Variants in HTR4 observed in about 807,000 individuals in gnomAD.
HTR4 encodes 5-hydroxytryptamine receptor 4, also known as 5-hydroxytryptamine (serotonin) receptor 4, G protein-coupled.
A neutral mutation model predicts 36.8 loss-of-function variants in HTR4; 16 were observed. The observed-to-expected ratio is 0.43, with a 90% CI of 0.29 to 0.66. HTR4 has a LOEUF of 0.66. Ranked by LOEUF, HTR4 falls within the 30% of genes least tolerant of loss-of-function variation. The pLI, the probability that HTR4 is intolerant of heterozygous loss-of-function variation, is 0.13. For synonymous variants in HTR4, 189 were observed against 185.1 expected, an observed-to-expected ratio of 1.02 and a Z score of -0.17; for missense variants, 438 against 490.9, an observed-to-expected ratio of 0.89 and a Z score of 1.02.
At chr5:148,493,551 A>G (rs1756555009) in intron 6 of HTR4, among the ~76,000 whole-genome samples, 1 of 152,222 alleles carries the variant, frequency 6.6e-6, no homozygotes, top group Non-Finnish European at 1.5e-5. Context: ...ACGATAAATG[A>G]ATGATAAATT....
At chr5:148,547,562 A>AAAATAAAATAAAAT (rs1554094300) in intron 4 of HTR4, among the ~76,000 whole-genome samples, 18,820 of 137,842 alleles carry the variant, frequency 0.14, 1,578 homozygotes, top group Non-Finnish European at 0.18. Flanking sequence ...AAAATAAAAT[A>AAAATAAAATAAAAT]AAATAAATAA....
At chr5:148,641,516 T>C (rs959308507) in intron 1 of HTR4, among the ~76,000 whole-genome samples, 1 of 152,234 alleles carries the variant, frequency 6.6e-6, no homozygotes, top group African/African-American at 2.4e-5. Context: ...TACAAATGCA[T>C]GTCTCAATAG....
downstream of HTR4, among the ~76,000 whole-genome samples, chr5:148,480,639 G>A (rs921139172): frequency 1.3e-5 from 2 of 152,182 alleles, no homozygotes; most frequent in Non-Finnish European, 2.9e-5. Context: ...CTCCCAAAGT[G>A]CTGGGAATAC....
At chr5:148,636,725 A>T (rs1463730002) in intron 2 of HTR4, among the ~76,000 whole-genome samples, 1 of 152,170 alleles carries the variant, frequency 6.6e-6, no homozygotes, top group East Asian at 1.9e-4. Flanking sequence ...TACAGAGATG[A>T]ATATCTATTT....
At position 148,509,974 on chromosome 5, in the gene HTR4, G is replaced by T; in HGVS notation, c.558C>A (p.Phe186Leu). Residue 186 changes from phenylalanine to leucine, a missense_variant, in exon 6 of 7, where the codon TTC (phenylalanine) becomes TTA (leucine). By Grantham distance (22) the Phe-to-Leu change is conservative. Transcript: ENST00000377888. ...NQNSNSTYCV[F>L]MVNKPYAITC... is the part of the protein sequence containing the mutation. ...TGATGGCGTAGGGCTTGTTGACCAT[G>T]AAGACACAGTACGTAGAGTTAGAGT... 1 of 1,613,840 alleles carries T rather than the reference G, an allele frequency of 6.2e-7. No homozygotes were observed.
intron 2 of HTR4, among the ~76,000 whole-genome samples, chr5:148,613,787 G>C (rs1424796706): frequency 1.3e-4 from 19 of 149,712 alleles, no homozygotes; most frequent in Non-Finnish European, 2.2e-4. Flanking sequence ...AAACCCCATT[G>C]TCTCAGCCCA....
intron 4 of HTR4, among the ~76,000 whole-genome samples, chr5:148,542,138 G>A (rs547123546): frequency 1.3e-5 from 2 of 152,224 alleles, no homozygotes; most frequent in African/African-American, 4.8e-5. Context: ...CTCCATAAAT[G>A]TTTGATGAAA....
chr5:148,534,484 G>A (rs1273423221), intron 4 of HTR4, among the ~76,000 whole-genome samples: 22 of 152,158 alleles, frequency 1.4e-4, no homozygotes. Context: ...CCTGCCAGAG[G>A]TATTGAGCCA....
intron 2 of HTR4, among the ~76,000 whole-genome samples, chr5:148,592,591 A>G (rs982306797): frequency 6.6e-6 from 1 of 152,014 alleles, no homozygotes; most frequent in African/African-American, 2.4e-5. Context: ...AGCTTCACCA[A>G]TATTTTTATA....
chr5:148,502,499 C>T (rs182285007), intron 6 of HTR4, among the ~76,000 whole-genome samples: 20 of 152,196 alleles, frequency 1.3e-4, no homozygotes, highest in East Asian at 5.8e-4. Context: ...CCCATCTGTA[C>T]GTCACTATGA....
intron 2 of HTR4, among the ~76,000 whole-genome samples, chr5:148,586,319 G>C (rs1406435022): frequency 6.6e-6 from 1 of 151,930 alleles, no homozygotes; most frequent in Admixed American, 6.6e-5. Flanking sequence ...AGCTATACTT[G>C]GCAATCTATG....
In HTR4 at chr5:148,487,215, G is replaced by A. The variant is rs150269948; in HGVS notation, c.1077-3922C>T. The stretch of plus-strand genomic sequence containing the variant: ...ATGTAGAGGCATGGATTGATCGATG[G>A]GTAATGGTGGATCTAGTGCTATAAC... On this transcript the variant is annotated intron_variant, in intron 6 of 6. Transcript: ENST00000377888. 1.7e-3 allele frequency among the ~76,000 whole-genome samples: 258 copies of A among 152,220 alleles called. 2 individuals carry two copies. Among genetic ancestry groups the A allele is most frequent in the East Asian group, 0.014 (73 of 5,186 alleles).
At chr5:148,471,047 A>G (rs1039054047) in intron 5 of HTR4, among the ~76,000 whole-genome samples, 1 of 152,194 alleles carries the variant, frequency 6.6e-6, no homozygotes, top group African/African-American at 2.4e-5. Flanking sequence ...AGCTTCAGGA[A>G]TTTAACTAAG....
intron 2 of HTR4, among the ~76,000 whole-genome samples, chr5:148,592,438 A>G (rs1015049224): frequency 1.3e-5 from 2 of 152,074 alleles, no homozygotes; most frequent in African/African-American, 4.8e-5. Context: ...GCCTAAACTA[A>G]TAATTATATC....
At chr5:148,489,139 T>A (rs1756296415) in intron 6 of HTR4, among the ~76,000 whole-genome samples, 1 of 152,188 alleles carries the variant, frequency 6.6e-6, no homozygotes, top group African/African-American at 2.4e-5. Flanking sequence ...TAAAAGTACG[T>A]TTTAAACACA....
At chr5:148,493,308 C>A (rs2113739264) in intron 6 of HTR4, among the ~76,000 whole-genome samples, 1 of 152,184 alleles carries the variant, frequency 6.6e-6, no homozygotes. Context: ...TAACTTTATT[C>A]TTGAATTTGT....
chr5:148,606,229 A>C (rs1255427300), intron 2 of HTR4, among the ~76,000 whole-genome samples: 1 of 152,112 alleles, frequency 6.6e-6, no homozygotes, highest in Non-Finnish European at 1.5e-5. Context: ...ATTATTGGGA[A>C]AGGGTAGAAA....
intron 5 of HTR4, among the ~76,000 whole-genome samples, chr5:148,464,575 C>T (rs1262403835): frequency 6.6e-6 from 1 of 152,192 alleles, no homozygotes; most frequent in Admixed American, 6.5e-5. Flanking sequence ...ATTCATCATA[C>T]TGATAGCATC....
chr5:148,637,621 C>T (rs1163815030), intron 1 of HTR4, among the ~76,000 whole-genome samples: 1 of 152,004 alleles, frequency 6.6e-6, no homozygotes, highest in African/African-American at 2.4e-5. Flanking sequence ...TCCAGGAATC[C>T]CAGGCCCATC....
Sources: allele counts gnomAD v4.1 joint callset (sites outside exome capture counted in the v4.1 genomes callset), GRCh38; gene constraint gnomAD v4.1.1; transcripts MANE v1.5; gene names NCBI Gene and HGNC (gene_info 2026-07-23, HGNC 2026-07-21).